Variants in DMD observed in about 807,000 individuals in gnomAD.
DMD encodes the protein dystrophin.
In DMD, 63 loss-of-function variants were observed where a neutral mutation model predicts 330.1. That is an observed-to-expected ratio of 0.19 (90% CI 0.16 to 0.24). DMD has a LOEUF of 0.24. Among genes scored for constraint, DMD ranks in the 10% least tolerant of loss-of-function variants. The probability of loss-of-function intolerance (pLI) is 1.00; values close to 1 mark genes in which losing one functional copy is unlikely to be tolerated. For missense variants in DMD, 3,344 were observed against 2,684.1 expected (o/e 1.25, Z -5.43); for synonymous variants, 1,223 against 959.8 (o/e 1.27, Z -5.07).
intron 2 of DMD, among the ~76,000 whole-genome samples, chrX:32,887,204 G>A (rs1222860821): frequency 9.2e-6 from 1 of 108,772 alleles, no homozygotes; most frequent in Admixed American, 9.8e-5. Flanking sequence ...AAAATTAGCC[G>A]GGCGTGCTGA....
intron 2 of DMD, among the ~76,000 whole-genome samples, chrX:32,894,474 C>A (rs1357501265): frequency 8.9e-6 from 1 of 112,612 alleles, no homozygotes; most frequent in Non-Finnish European, 1.9e-5. Flanking sequence ...GCGGGCAAAC[C>A]AACGCTGCTT....
At chrX:33,035,153 T>A (rs59338462) in intron 1 of DMD, among the ~76,000 whole-genome samples, 6,656 of 111,970 alleles carry the variant, frequency 0.059, 481 homozygotes, top group African/African-American at 0.2. Context: ...TACTTTTTTC[T>A]GGAACAGTGG....
Position 32,843,108 on chromosome X carries a change from G to C in DMD, c.264+1675C>G, listed in dbSNP as rs762892616. Among the ~76,000 whole-genome samples the C allele has an allele frequency of 2.7e-5, 3 of 111,842 alleles. No individual in the cohort carries two copies. In the East Asian group the frequency reaches 8.5e-4, roughly 32 times the overall value. On this transcript the variant is annotated intron_variant, in intron 4 of 78. Transcript: ENST00000357033. Reference sequence around the variant, plus strand: ...CAGGCATGAGCACCGCGCCCGACCTGTACCGCATTTTCTTTATGCAGGATT... The same window carrying C: ...CAGGCATGAGCACCGCGCCCGACCTCTACCGCATTTTCTTTATGCAGGATT...
At chrX:32,121,627 A>G (rs2096635833) in intron 44 of DMD, among the ~76,000 whole-genome samples, 1 of 50,921 alleles carries the variant, frequency 2.0e-5, no homozygotes, top group Non-Finnish European at 3.8e-5. Context: ...GTGCATATAT[A>G]TATATATATA....
At chrX:32,766,158 G>A (rs984084903) in intron 7 of DMD, among the ~76,000 whole-genome samples, 2 of 110,872 alleles carry the variant, frequency 1.8e-5, no homozygotes, top group Non-Finnish European at 3.8e-5. Flanking sequence ...CTTTTTTCAA[G>A]ATCGTTTCAA....
intron 7 of DMD, among the ~76,000 whole-genome samples, chrX:32,716,156 T>A (rs2065699684): frequency 9.0e-6 from 1 of 111,629 alleles, no homozygotes; most frequent in Admixed American, 9.5e-5. Context: ...ATTTATTGTT[T>A]GAGTCATTCT....
At chrX:33,087,913 T>A (rs2095031807) in intron 1 of DMD, among the ~76,000 whole-genome samples, 1 of 111,338 alleles carries the variant, frequency 9.0e-6, no homozygotes. Context: ...CTATGTCTAT[T>A]GAAATTCTAG....
chrX:32,739,659 A>G (rs536704588), intron 7 of DMD, among the ~76,000 whole-genome samples: 5 of 112,041 alleles, frequency 4.5e-5, no homozygotes, highest in African/African-American at 1.6e-4. Context: ...CTTGAGAAGT[A>G]TGTGGTTGAA....
intron 11 of DMD, among the ~76,000 whole-genome samples, chrX:32,623,118 C>T (rs754273541): frequency 9.0e-6 from 1 of 111,607 alleles, no homozygotes; most frequent in South Asian, 3.8e-4. Flanking sequence ...GGCTTTATTA[C>T]AGTACTGATA....
intron 7 of DMD, among the ~76,000 whole-genome samples, chrX:32,798,315 C>A (rs1204086633): frequency 9.4e-6 from 1 of 106,495 alleles, no homozygotes; most frequent in Admixed American, 9.7e-5. Context: ...TCCAACTGCC[C>A]AGAAAATACT....
intron 44 of DMD, among the ~76,000 whole-genome samples, chrX:31,983,861 A>G (rs1421611672): frequency 4.5e-5 from 5 of 111,823 alleles, no homozygotes; most frequent in Non-Finnish European, 9.4e-5. Context: ...TTCCTAGGGT[A>G]AAGACGAGGA....
At chrX:32,436,770 G>A (rs965065674) in intron 29 of DMD, among the ~76,000 whole-genome samples, 1 of 109,756 alleles carries the variant, frequency 9.1e-6, no homozygotes, top group Non-Finnish European at 1.9e-5. Flanking sequence ...TGGACAACAT[G>A]GCAAAACAAC....
chrX:32,490,091 T>C (rs528349809), intron 20 of DMD, among the ~76,000 whole-genome samples: 26 of 112,174 alleles, frequency 2.3e-4, no homozygotes, highest in African/African-American at 8.4e-4. Context: ...TTCTCATCAC[T>C]TTTTGGGTCC....
intron 6 of DMD, among the ~76,000 whole-genome samples, chrX:32,811,991 G>C (rs1054089564): frequency 8.9e-6 from 1 of 111,847 alleles, no homozygotes; most frequent in Non-Finnish European, 1.9e-5. Flanking sequence ...GTATCAAGTG[G>C]TGGGAGATAG....
At chrX:32,899,705 A>G (rs2086066958) in intron 2 of DMD, among the ~76,000 whole-genome samples, 1 of 110,649 alleles carries the variant, frequency 9.0e-6, no homozygotes. Flanking sequence ...AAAAAGAAAA[A>G]GAAAGAAAGA....
At chrX:32,014,133 A>C (rs1009314246) in intron 44 of DMD, among the ~76,000 whole-genome samples, 2 of 112,327 alleles carry the variant, frequency 1.8e-5, no homozygotes, top group African/African-American at 6.5e-5. Context: ...ATTAGTAGTT[A>C]ATTAAGAAGC....
At position 33,301,386 on chromosome X, in the gene DMD, T is replaced by A. The variant is rs769328105; in HGVS notation, c.7+37873A>T. Among the ~76,000 whole-genome samples the A allele has an allele frequency of 8.3e-4, 93 of 111,980 alleles. No individual in the cohort carries two copies. In the East Asian group the frequency reaches 0.022, roughly 27 times the overall value. On this transcript the variant is annotated intron_variant, in intron 1 of 17. Coordinates refer to the DMD transcript ENST00000288447. ...AGAAATTATACTTCATGGTATATTT[T>A]TTTTTAAGGAAGACATGCCAAGCAT...
intron 50 of DMD, among the ~76,000 whole-genome samples, chrX:31,818,679 A>AAAC (rs2092688671): frequency 9.0e-6 from 1 of 110,698 alleles, no homozygotes; most frequent in African/African-American, 3.3e-5. Flanking sequence ...CAGCTCATAA[A>AAAC]AACAAATAAA....
chrX:32,971,738 A>G (rs1474817464), intron 2 of DMD, among the ~76,000 whole-genome samples: 1 of 110,837 alleles, frequency 9.0e-6, no homozygotes, highest in East Asian at 2.8e-4. Flanking sequence ...TATAGTATTA[A>G]AAGATTCATG....
Sources: gnomAD v4.1 joint callset for allele counts (sites outside exome capture counted in the v4.1 genomes callset) on GRCh38, gnomAD v4.1.1 for gene constraint, MANE v1.5 for transcripts, NCBI Gene and HGNC (gene_info 2026-07-23, HGNC 2026-07-21) for gene names.